Variants in EBF3 observed in about 807,000 individuals in gnomAD.
EBF3 encodes the protein EBF transcription factor 3, also known as transcription factor COE3.
Under a neutral mutation model 77.1 loss-of-function variants are expected in EBF3, and 18 were observed. The observed-to-expected ratio is 0.23, with a 90% CI of 0.16 to 0.35. EBF3 has a LOEUF of 0.35. EBF3 is among the 10% of genes least tolerant of loss of function. The probability of loss-of-function intolerance (pLI) is 1.00; values close to 1 mark genes in which losing one functional copy is unlikely to be tolerated. For missense variants in EBF3, 558 were observed against 860.0 expected, an observed-to-expected ratio of 0.65 and a Z score of 4.39; for synonymous variants, 350 against 343.5, an observed-to-expected ratio of 1.02 and a Z score of -0.21.
intron 6 of EBF3, among the ~76,000 whole-genome samples, chr10:129,924,410 G>A (rs1488709531): frequency 3.5e-5 from 5 of 143,430 alleles, no homozygotes; most frequent in Non-Finnish European, 6.0e-5. Context: ...GTGAGACTCC[G>A]TCTCAAACAA....
rs562557175 is a variant in EBF3, at chr10:129,925,032, A to G, written c.554+32226T>C. Among the ~76,000 whole-genome samples, 466 of 152,274 alleles carry G rather than the reference A, an allele frequency of 3.1e-3. 2 individuals are homozygous for G. Among genetic ancestry groups the G allele is most frequent in the African/African-American group, 0.01 (434 of 41,552 alleles). ...AACTGCTAAAATGTGGAAGCCACCC[A>G]AGTATCCATCAATGGGTGAATGGAT... On this transcript the variant is annotated intron_variant, in intron 6 of 16. Coordinates refer to ENST00000440978, the MANE Select transcript of EBF3 (RefSeq NM_001375380.1).
rs752471105 is a variant in EBF3, at chr10:129,963,502, C to G, written c.156G>C (p.Ala52=). 1 of 1,568,266 alleles carries G rather than the reference C, an allele frequency of 6.4e-7. No homozygotes were observed. The highest frequency in any genetic ancestry group is 8.6e-7 in the Non-Finnish European group (1 of 1,157,134). The change falls in exon 2 of 17, where the codon GCG becomes GCC. Residue 52 remains alanine, a synonymous_variant. Transcript: ENST00000440978. The surrounding 1 kb of genome is among the most constrained non-coding windows in gnomAD (Gnocchi z 7.1). ...AAQSGVGLAR[A]HFEKQPPSNL... ...TGGAAGGCGGCTGCTTCTCGAAGTG[C>G]GCCCGCGCCAGCCCCACGCCGCTGC...
intron 10 of EBF3, among the ~76,000 whole-genome samples, chr10:129,862,609 C>T (rs546195209): frequency 6.7e-4 from 102 of 152,320 alleles, no homozygotes; most frequent in African/African-American, 2.2e-3. Context: ...CTCTCCCAAC[C>T]GGCCTCAGTG....
chr10:129,905,095 G>C (rs1855048983), intron 6 of EBF3, among the ~76,000 whole-genome samples: 1 of 152,210 alleles, frequency 6.6e-6, no homozygotes, highest in Non-Finnish European at 1.5e-5. Context: ...CTGGACCCCA[G>C]GGCTCCACCC....
intron 14 of EBF3, among the ~76,000 whole-genome samples, 162 bp downstream of exon 14, chr10:129,840,682 G>A (rs565942657): frequency 4.6e-5 from 7 of 152,256 alleles, no homozygotes; most frequent in Non-Finnish European, 7.4e-5. Context: ...CATCGGGCCC[G>A]TTTTGGGTCA....
rs557946890 is a variant in EBF3, at chr10:129,836,441, G to A, written c.*1502C>T. On this transcript the variant is annotated 3_prime_UTR_variant, in exon 17 of 17. Coordinates refer to ENST00000440978, the MANE Select transcript of EBF3 (RefSeq NM_001375380.1). Reference sequence around the variant, plus strand: ...CAGCCCCAAACGGTGTCACCTCTTCGCGGCCGCTCCACATGCACAGAATCT... The same window carrying A: ...CAGCCCCAAACGGTGTCACCTCTTCACGGCCGCTCCACATGCACAGAATCT... 1 of 152,620 alleles carries A rather than the reference G, an allele frequency of 6.6e-6. No individual in the cohort carries two copies. The highest frequency in any genetic ancestry group is 2.1e-4 in the South Asian group (1 of 4,806). 9.5% of individuals were successfully genotyped at this position (152,620 alleles called of 1,614,324 possible). A position where few individuals can be genotyped will look rare whatever the true frequency, so the allele number is the denominator to read the frequency against.
At chr10:129,922,745 G>T (rs564792104) in intron 6 of EBF3, among the ~76,000 whole-genome samples, 1 of 152,224 alleles carries the variant, frequency 6.6e-6, no homozygotes, top group Non-Finnish European at 1.5e-5. Context: ...CAGCCCTCCT[G>T]ACCCTGATGT....
chr10:129,843,331 G>T, intron 11 of EBF3, 129 bp from the exon 12 acceptor site: 1 of 926,754 alleles, frequency 1.1e-6, no homozygotes, highest in Non-Finnish European at 1.6e-6. Flanking sequence ...TGGCCCTGCC[G>T]TGCACTTCGA....
chr10:129,926,915 G>A (rs1422347625), intron 6 of EBF3, among the ~76,000 whole-genome samples: 1 of 152,212 alleles, frequency 6.6e-6, no homozygotes, highest in Non-Finnish European at 1.5e-5. Context: ...CTGCTCCCGG[G>A]GGACAGGCTG....
intron 8 of EBF3, among the ~76,000 whole-genome samples, 156 bp downstream of exon 8, chr10:129,873,296 T>C (rs903988803): frequency 1.3e-5 from 2 of 152,224 alleles, no homozygotes; most frequent in African/African-American, 4.8e-5. Flanking sequence ...CTGTCTCCCC[T>C]TCCACCTCGG....
chr10:129,957,806 C>T (rs1859154627), intron 5 of EBF3, among the ~76,000 whole-genome samples: 1 of 152,190 alleles, frequency 6.6e-6, no homozygotes, highest in East Asian at 1.9e-4. Flanking sequence ...TCACAAACTT[C>T]TATTGTTCCT....
intron 10 of EBF3, among the ~76,000 whole-genome samples, chr10:129,856,459 T>G (rs1851259276): frequency 6.6e-6 from 1 of 152,030 alleles, no homozygotes; most frequent in South Asian, 2.1e-4. Flanking sequence ...ACACGCAAAG[T>G]GAAAGAAGCC....
In EBF3 at chr10:129,837,883, G is replaced by A; in HGVS notation, c.*60C>T. The stretch of plus-strand genomic sequence containing the variant: ...TAATATACTAAACGTGTCCCCTGAA[G>A]TCCGTCCTTTGATGCTGGGTGCTGC... On this transcript the variant is annotated 3_prime_UTR_variant, in exon 17 of 17. Transcript: ENST00000440978. 6.2e-7 allele frequency: 1 copy of A among 1,613,506 alleles called. No individual in the cohort carries two copies. Among genetic ancestry groups the A allele is most frequent in the Non-Finnish European group, 8.5e-7 (1 of 1,179,446 alleles).
chr10:129,942,850 G>C (rs748041631), intron 6 of EBF3, among the ~76,000 whole-genome samples: 2 of 152,146 alleles, frequency 1.3e-5, no homozygotes, highest in Non-Finnish European at 2.9e-5. Flanking sequence ...ATCTAAATTG[G>C]GGTGGGAGGG....
chr10:129,847,153 A>AC (rs1291504160), intron 11 of EBF3, among the ~76,000 whole-genome samples: 8 of 151,280 alleles, frequency 5.3e-5, no homozygotes, highest in South Asian at 2.1e-4. Context: ...TGACCAGGGA[A>AC]CCCCCCGAGA....
In EBF3 at chr10:129,839,114, T is replaced by C. The variant is rs971004329; in HGVS notation, c.1841A>G (p.Asp614Gly). The C allele has an allele frequency of 2.3e-6, 3 of 1,304,390 alleles. No individual in the cohort carries two copies. Among genetic ancestry groups the C allele is most frequent in the Non-Finnish European group, 3.0e-6 (3 of 989,010 alleles). 80.8% of individuals were successfully genotyped at this position (1,304,390 alleles called of 1,614,324 possible). A position where few individuals can be genotyped will look rare whatever the true frequency, so the allele number is the denominator to read the frequency against. The part of the protein sequence containing the change: ...FCEVGGIFHF[D>G]ELMLKKGTGK... ...AGTTCCTTTTTTGAGCATTAGTTCA[T>C]CAAAGTGAAATATGCCACCGACTTC... The change falls in exon 16 of 17, where the codon GAT becomes GGT. Residue 614 changes from aspartate to glycine, a missense_variant. Transcript: ENST00000440978.
chr10:129,858,870 A>C (rs902856964), intron 10 of EBF3, among the ~76,000 whole-genome samples: 1 of 152,196 alleles, frequency 6.6e-6, no homozygotes, highest in Non-Finnish European at 1.5e-5. Flanking sequence ...CAGAAAGGAA[A>C]GGAAGAAAAG....
chr10:129,914,888 C>T, intron 6 of EBF3, among the ~76,000 whole-genome samples: 1 of 152,332 alleles, frequency 6.6e-6, no homozygotes, highest in East Asian at 1.9e-4. Context: ...TAGGGCATCA[C>T]ATCAAGTCTG....
chr10:129,898,859 C>T (rs1359343794), intron 6 of EBF3, among the ~76,000 whole-genome samples: 2 of 152,192 alleles, frequency 1.3e-5, no homozygotes, highest in South Asian at 2.1e-4. Flanking sequence ...CTGCGCCTCC[C>T]GCAGCAAGGC....
Sources: allele counts gnomAD v4.1 joint callset (sites outside exome capture counted in the v4.1 genomes callset), GRCh38; gene constraint gnomAD v4.1.1; non-coding constraint Gnocchi (gnomAD v3.1); transcripts MANE v1.5; gene names NCBI Gene and HGNC (gene_info 2026-07-23, HGNC 2026-07-21).